FAM135B: variants seen among roughly 807,000 people sequenced by gnomAD.
The protein encoded by FAM135B is protein FAM135B.
Under a neutral mutation model 127.7 loss-of-function variants are expected in FAM135B, and 43 were observed. That is an observed-to-expected ratio of 0.34 (90% CI 0.26 to 0.43). The LOEUF is 0.43. Ranked by LOEUF, FAM135B falls within the 20% of genes least tolerant of loss-of-function variation. FAM135B has a pLI of 1.00. For missense variants in FAM135B, 1,558 were observed against 1,725.6 expected, an observed-to-expected ratio of 0.90 and a Z score of 1.72; for synonymous variants, 670 against 665.1, an observed-to-expected ratio of 1.01 and a Z score of -0.11.
At chr8:138,388,593 G>T (rs756538417) in intron 1 of FAM135B, among the ~76,000 whole-genome samples, 3 of 152,166 alleles carry the variant, frequency 2.0e-5, no homozygotes, top group Non-Finnish European at 4.4e-5. Flanking sequence ...CCATGTCGAG[G>T]CATGGAGGCA....
In FAM135B at chr8:138,242,149, C is replaced by T. The variant is rs889910431; in HGVS notation, c.669+793G>A. Among the ~76,000 whole-genome samples the T allele has an allele frequency of 6.3e-5, 9 of 143,700 alleles. No homozygotes were observed. Among genetic ancestry groups the T allele is most frequent in the Admixed American group, 1.4e-4 (2 of 14,060 alleles). The allele number at this position is 143,700 out of a possible 152,430, so 94.3% of individuals were successfully genotyped here. A position where few individuals can be genotyped will look rare whatever the true frequency, so the allele number is the denominator to read the frequency against. ...CCTTCAAAATCATGTGAGTCAATTACTTATGATAAATCTCTTTGTGTGTGT... is the reference window on the plus strand; with the variant it reads ...CCTTCAAAATCATGTGAGTCAATTATTTATGATAAATCTCTTTGTGTGTGT... On this transcript the variant is annotated intron_variant, in intron 7 of 19. Coordinates refer to ENST00000395297, the MANE Select transcript of FAM135B (RefSeq NM_015912.4). The surrounding 1 kb of genome is among the most constrained non-coding windows in gnomAD (Gnocchi z 9.6).
chr8:138,181,234 C>T (rs1249162268), intron 9 of FAM135B, among the ~76,000 whole-genome samples: 6 of 151,852 alleles, frequency 4.0e-5, no homozygotes, highest in South Asian at 2.1e-4. Context: ...AGTGAGACTC[C>T]GTTTCAAAAA....
intron 7 of FAM135B, among the ~76,000 whole-genome samples, chr8:138,239,041 A>G (rs560881507): frequency 9.8e-4 from 150 of 152,344 alleles, no homozygotes; most frequent in African/African-American, 3.3e-3. Flanking sequence ...AAATAAAAAG[A>G]AAATGCTATA....
intron 1 of FAM135B, among the ~76,000 whole-genome samples, chr8:138,414,115 A>AAT (rs1203347529): frequency 7.6e-4 from 63 of 83,316 alleles, no homozygotes; most frequent in Middle Eastern, 6.1e-3. Flanking sequence ...TTCACACACA[A>AAT]ATACATATAT....
intron 1 of FAM135B, among the ~76,000 whole-genome samples, chr8:138,494,849 A>AAAAAAAAC (rs373037651): frequency 7.1e-4 from 106 of 150,070 alleles, no homozygotes; most frequent in African/African-American, 2.4e-3. Flanking sequence ...AAAAAAAAAA[A>AAAAAAAAC]AAACTTAATC....
intron 12 of FAM135B, among the ~76,000 whole-genome samples, chr8:138,159,162 C>A: frequency 6.8e-6 from 1 of 147,326 alleles, no homozygotes; most frequent in Non-Finnish European, 1.5e-5. Context: ...GTCCCAGCTA[C>A]TCGGGAGGCT....
chr8:138,242,473 C>A lies in FAM135B; in HGVS notation c.669+469G>T, dbSNP rs1820890440. Among the ~76,000 whole-genome samples the A allele has an allele frequency of 6.6e-6, 1 of 151,996 alleles. No individual in the cohort carries two copies. The highest frequency in any genetic ancestry group is 2.4e-5 in the African/African-American group (1 of 41,362). On this transcript the variant is annotated intron_variant, in intron 7 of 19. Transcript: ENST00000395297. This position sits in a 1 kb window ranked among gnomAD's most constrained non-coding sequence, Gnocchi z 9.6. ...TGAGTATTGGATACCGGGCTAGGAA[C>A]TTTACATTTATTACAACATTTGGGT... is the stretch of plus-strand genomic sequence containing the variant.
intron 7 of FAM135B, among the ~76,000 whole-genome samples, chr8:138,213,008 G>A (rs758597115): frequency 3.3e-5 from 5 of 152,306 alleles, no homozygotes; most frequent in Middle Eastern, 3.4e-3. Flanking sequence ...ATCACTATGT[G>A]TAATATTTTT....
chr8:138,372,884 A>G (rs1329942570), intron 1 of FAM135B, among the ~76,000 whole-genome samples: 1 of 87,562 alleles, frequency 1.1e-5, no homozygotes, highest in East Asian at 3.5e-4. Flanking sequence ...GGACCAGTCC[A>G]CGTTATGAAG....
chr8:138,236,961 A>C (rs1236826017), intron 7 of FAM135B, among the ~76,000 whole-genome samples: 3 of 152,122 alleles, frequency 2.0e-5, no homozygotes, highest in Non-Finnish European at 4.4e-5. Context: ...CATGTACTAA[A>C]GCCTCTGCCC....
At chr8:138,407,927 G>A (rs1373351307) in intron 1 of FAM135B, among the ~76,000 whole-genome samples, 3 of 152,154 alleles carry the variant, frequency 2.0e-5, no homozygotes, top group South Asian at 4.1e-4. Context: ...AATATTCTTA[G>A]AGGAATCTTT....
intron 2 of FAM135B, chr8:138,358,321 G>C (rs1385997973): frequency 6.6e-6 from 1 of 152,138 alleles, no homozygotes; most frequent in Non-Finnish European, 1.5e-5. Flanking sequence ...GAATTAGCTG[G>C]AATAAGTATA....
At chr8:138,463,635 AC>A (rs1198418820) in intron 1 of FAM135B, among the ~76,000 whole-genome samples, 1 of 152,172 alleles carries the variant, frequency 6.6e-6, no homozygotes, top group Non-Finnish European at 1.5e-5. Context: ...AGGTCCTGTA[AC>A]CAAATGGCAA....
rs2130728427 is a variant in FAM135B at position 138,151,406 on chromosome 8, G to A, written c.3069C>T (p.Asp1023=). 6.2e-7 allele frequency: 1 copy of A among 1,613,978 alleles called. No homozygotes were observed. Among genetic ancestry groups the A allele is most frequent in the Non-Finnish European group, 8.5e-7 (1 of 1,179,948 alleles). ...TCACAACCTCCACAGCCTTCAGGCT[G>A]TCCAGAGTAAAGGTCTCTGCAGAAG... ...HLTSAETFTL[D]SLKAVEVVNL... Residue 1023 remains aspartate, a synonymous_variant, in exon 13 of 20, where the codon GAC becomes GAT. Transcript: ENST00000395297.
intron 7 of FAM135B, among the ~76,000 whole-genome samples, chr8:138,206,174 G>A (rs1236232416): frequency 1.8e-4 from 24 of 136,746 alleles, no homozygotes; most frequent in African/African-American, 5.7e-4. Flanking sequence ...CTCCACCTCT[G>A]CAAGGCTCCA....
chr8:138,169,024 A>G (rs1216953876), intron 11 of FAM135B, among the ~76,000 whole-genome samples: 1 of 152,188 alleles, frequency 6.6e-6, no homozygotes, highest in Non-Finnish European at 1.5e-5. Context: ...CACAGACTCA[A>G]AGCAAATTCT....
intron 19 of FAM135B, among the ~76,000 whole-genome samples, chr8:138,136,652 T>C (rs912416324): frequency 6.6e-6 from 1 of 152,232 alleles, no homozygotes; most frequent in Admixed American, 6.5e-5. Flanking sequence ...CACATCCATC[T>C]TGATTGTCTG....
intron 9 of FAM135B, among the ~76,000 whole-genome samples, chr8:138,189,602 C>T (rs918570470): frequency 2.6e-5 from 4 of 152,188 alleles, no homozygotes; most frequent in Non-Finnish European, 5.9e-5. Context: ...CTAGATGCTG[C>T]TGTGAGGCCC....
chr8:138,228,192 C>A (rs1819620401), intron 7 of FAM135B, among the ~76,000 whole-genome samples: 1 of 152,096 alleles, frequency 6.6e-6, no homozygotes, highest in South Asian at 2.1e-4. Flanking sequence ...CAAGTCTATC[C>A]CTTTTGGACC....
Sources: gnomAD v4.1 joint callset for allele counts (sites outside exome capture counted in the v4.1 genomes callset) on GRCh38, gnomAD v4.1.1 for gene constraint, Gnocchi (gnomAD v3.1) non-coding constraint, MANE v1.5 for transcripts, NCBI Gene and HGNC (gene_info 2026-07-23, HGNC 2026-07-21) for gene names.